BCL9L: variants seen among roughly 807,000 people sequenced by gnomAD.
BCL9L encodes BCL9 like.
A neutral mutation model predicts 99.4 loss-of-function variants in BCL9L; 19 were observed. The ratio of observed to expected loss-of-function variants is 0.19; its 90% CI spans 0.13 to 0.28. The LOEUF is 0.28. Among genes scored for constraint, BCL9L ranks in the 10% least tolerant of loss-of-function variants. BCL9L has a pLI of 1.00. For missense variants in BCL9L, 2,023 were observed against 2,101.6 expected, an observed-to-expected ratio of 0.96 and a Z score of 0.73; for synonymous variants, 900 against 854.8, an observed-to-expected ratio of 1.05 and a Z score of -0.92.
At chr11:118,919,178 A>C (rs1001938356) in intron 1 of BCL9L, among the ~76,000 whole-genome samples, 10 of 138,242 alleles carry the variant, frequency 7.2e-5, no homozygotes, top group Non-Finnish European at 1.1e-4. Flanking sequence ...GGAGAGGAGG[A>C]GGCACTGGAA....
chr11:118,919,366 A>G (rs1204952327), intron 1 of BCL9L, among the ~76,000 whole-genome samples: 2 of 151,584 alleles, frequency 1.3e-5, no homozygotes, highest in Admixed American at 1.3e-4. Flanking sequence ...TGTGTATTCT[A>G]TGTCCCTGTG....
chr11:118,901,138 T>G lies in BCL9L; in HGVS notation c.2605A>C (p.Met869Leu). The G allele has an allele frequency of 1.2e-6, 2 of 1,613,654 alleles. No homozygotes were observed. The highest frequency in any genetic ancestry group is 1.7e-6 in the Non-Finnish European group (2 of 1,179,728). ...MSQDMGNTQD[M>L]FSPDQSSMPM... ...ATTGAGCTCTGATCAGGGCTGAACATGTCTTGGGTATTGCCCATGTCCTGG... is the reference window on the plus strand; with the variant it reads ...ATTGAGCTCTGATCAGGGCTGAACAGGTCTTGGGTATTGCCCATGTCCTGG... The change falls in exon 8 of 10, where the codon ATG becomes CTG. Residue 869 changes from methionine (M) to leucine (L), a missense_variant. Around this residue, in one of 3 missense-constraint regions of BCL9L, gnomAD observed 902 missense variants for 888.2 expected, o/e 1.02. Coordinates refer to ENST00000683865, the MANE Select transcript of BCL9L (RefSeq NM_001378213.1). This position sits in a 1 kb window ranked among gnomAD's most constrained non-coding sequence, Gnocchi z 6.6.
In BCL9L at chr11:118,900,252, GT is replaced by G; in HGVS notation, c.3125-55del. 6.7e-7 allele frequency: 1 copy of G among 1,500,674 alleles called. No individual in the cohort carries two copies. Among genetic ancestry groups the G allele is most frequent in the African/African-American group, 1.4e-5 (1 of 72,244 alleles). 93.0% of individuals were successfully genotyped at this position (1,500,674 alleles called of 1,614,324 possible). On this transcript the variant is annotated intron_variant, in intron 8 of 9. Transcript: ENST00000683865. This position sits in a 1 kb window ranked among gnomAD's most constrained non-coding sequence, Gnocchi z 5.3. ...GGGGTGACTGGGGAGGGGCAGATGAGTTTGGCTGTGGATATGGGGAGGTTTA... is the reference window on the plus strand; with the variant it reads ...GGGGTGACTGGGGAGGGGCAGATGAGTTGGCTGTGGATATGGGGAGGTTTA...
chr11:118,924,253 G>A (rs1403355001), intron 1 of BCL9L, among the ~76,000 whole-genome samples: 1 of 151,946 alleles, frequency 6.6e-6, no homozygotes, highest in African/African-American at 2.4e-5. Flanking sequence ...CCCTTTGTGA[G>A]GGCTCAAACA....
At chr11:118,904,426 C>T (rs906342090) in intron 5 of BCL9L, among the ~76,000 whole-genome samples, 22 of 151,984 alleles carry the variant, frequency 1.4e-4, no homozygotes, top group East Asian at 1.9e-4. Flanking sequence ...GGCGACAGAG[C>T]GAGACTGTCT....
Position 118,899,191 on chromosome 11 carries a change from T to C in BCL9L, c.3724A>G (p.Thr1242Ala). The change falls in exon 10 of 10, where the codon ACT becomes GCT. Residue 1242 changes from threonine (T) to alanine (A), a missense_variant. This residue lies in a region of BCL9L where 902 missense variants were observed against 888.2 expected (regional missense o/e 1.02). Coordinates refer to ENST00000683865, the MANE Select transcript of BCL9L (RefSeq NM_001378213.1). ...LQQPHGAMAP[T>A]GGGGGGPGLQ... Reference sequence around the variant, plus strand: ...CCAGGCCCCCCGCCCCCACCCCCAGTGGGGGCCATGGCACCATGGGGCTGC... The same window carrying C: ...CCAGGCCCCCCGCCCCCACCCCCAGCGGGGGCCATGGCACCATGGGGCTGC... 3.4e-6 allele frequency: 5 copies of C among 1,491,892 alleles called. No individual in the cohort carries two copies. The highest frequency in any genetic ancestry group is 4.5e-6 in the Non-Finnish European group (5 of 1,119,860). The allele number at this position is 1,491,892 out of a possible 1,614,324, so 92.4% of individuals were successfully genotyped here.
At chr11:118,919,304 G>C (rs1194086369) in intron 1 of BCL9L, among the ~76,000 whole-genome samples, 1 of 151,640 alleles carries the variant, frequency 6.6e-6, no homozygotes, top group Non-Finnish European at 1.5e-5. Context: ...GAGGACCCCA[G>C]ATTCTAGCAC....
In BCL9L at chr11:118,914,424, C is replaced by CCAGAGG. The variant is rs1298369850; in HGVS notation, c.-77+4396_-77+4401dup. Among the ~76,000 whole-genome samples the CCAGAGG allele has an allele frequency of 6.6e-6, 1 of 152,198 alleles. No homozygotes were observed. Among genetic ancestry groups the CCAGAGG allele is most frequent in the African/African-American group, 2.4e-5 (1 of 41,452 alleles). On this transcript the variant is annotated intron_variant, in intron 2 of 9. Transcript: ENST00000683865. The surrounding 1 kb of genome is among the most constrained non-coding windows in gnomAD (Gnocchi z 4.4). ...TGCTCTGCTCTCTCCCCAGGTACAGCCAGAGGCAGAGGCATCCTCCTGGCC... is the reference window on the plus strand; with the variant it reads ...TGCTCTGCTCTCTCCCCAGGTACAGCCAGAGGCAGAGGCAGAGGCATCCTCCTGGCC...
Position 118,900,831 on chromosome 11 carries a change from C to T in BCL9L, c.2912G>A (p.Gly971Glu), listed in dbSNP as rs773972232. The change falls in exon 8 of 10, where the codon GGA becomes GAA. Residue 971 changes from glycine (G) to glutamate (E), a missense_variant. This residue lies in a region of BCL9L where 902 missense variants were observed against 888.2 expected (regional missense o/e 1.02). Transcript: ENST00000683865. This position sits in a 1 kb window ranked among gnomAD's most constrained non-coding sequence, Gnocchi z 5.3. Reference protein sequence around the residue: ...MVPLPSANPPGPLKSPQVLGS... With the variant: ...MVPLPSANPPEPLKSPQVLGS... ...GAGGACCTGGGGCGACTTGAGAGGT[C>T]CTGGCGGGTTGGCAGAAGGCAAGGG... 6.2e-7 allele frequency: 1 copy of T among 1,613,232 alleles called. No homozygotes were observed.
chr11:118,902,891 G>T lies in BCL9L; in HGVS notation c.852C>A (p.Pro284=), dbSNP rs138155257. Residue 284 remains proline (P), a synonymous_variant, in exon 8 of 10, where the codon CCC becomes CCA. Transcript: ENST00000683865. The surrounding 1 kb of genome is among the most constrained non-coding windows in gnomAD (Gnocchi z 7.8). ...AKLDQAPKVP[P]TPEPLPLSTP... ...TGCTCAGGGGTAGCGGTTCTGGGGT[G>T]GGGGGCACTTTAGGGGCCTGCAGAA... The T allele has an allele frequency of 2.2e-5, 34 of 1,567,320 alleles. No individual in the cohort carries two copies. The Middle Eastern group carries it at 5.1e-4, about 23-fold the overall frequency.
intron 2 of BCL9L, among the ~76,000 whole-genome samples, chr11:118,912,420 C>G (rs554395554): frequency 6.6e-6 from 1 of 152,266 alleles, no homozygotes; most frequent in East Asian, 1.9e-4. Context: ...CAGGCGCATA[C>G]CAGGAGAATG....
Position 118,902,785 on chromosome 11 carries a change from C to T in BCL9L, c.958G>A (p.Ala320Thr), listed in dbSNP as rs1940328254. ...TCAGGAGGCCCCTCTGGGGGCAGAG[C>T]AGGCGGGGCACTGCCAGGGGCCGGG... ...PPPAPGSAPP[A>T]LPPEGPPEDS... The change falls in exon 8 of 10, where the codon GCT becomes ACT. Residue 320 changes from alanine (A) to threonine (T), a missense_variant. Coordinates refer to ENST00000683865, the MANE Select transcript of BCL9L (RefSeq NM_001378213.1). This position sits in a 1 kb window ranked among gnomAD's most constrained non-coding sequence, Gnocchi z 7.8. 6.4e-7 allele frequency: 1 copy of T among 1,569,842 alleles called. No homozygotes were observed. The highest frequency in any genetic ancestry group is 1.3e-5 in the African/African-American group (1 of 74,086).
Position 118,902,544 on chromosome 11 carries a change from G to A in BCL9L, c.1199C>T (p.Ser400Phe). 6.2e-7 allele frequency: 1 copy of A among 1,602,954 alleles called. No homozygotes were observed. The highest frequency in any genetic ancestry group is 8.5e-7 in the Non-Finnish European group (1 of 1,179,878). ...TTCCCGATGCTCCAGCTGCTCTTTG[G>A]ACAAGCCCTCTGAGCCCACCAGGCT... ...QRSLVGSEGL[S>F]KEQLEHRERS... The change falls in exon 8 of 10, where the codon TCC becomes TTC. Residue 400 changes from serine (S) to phenylalanine (F), a missense_variant. Ser to Phe is a radical substitution (Grantham distance 155). Around this residue, in one of 3 missense-constraint regions of BCL9L, gnomAD observed 1,116 missense variants for 1,194.6 expected, o/e 0.93. Transcript: ENST00000683865. This position sits in a 1 kb window ranked among gnomAD's most constrained non-coding sequence, Gnocchi z 7.8.
chr11:118,900,902 C>T lies in BCL9L; in HGVS notation c.2841G>A (p.Ser947=), dbSNP rs201441174. ...GGGGTGACTTGAGGTTGGCAGAGGG[C>T]GAGGTGACCAGGGGTGAGTGCACCT... The part of the protein sequence containing the change: ...LSQVHSPLVT[S]PSANLKSPQT... The change falls in exon 8 of 10, where the codon TCG becomes TCA. Residue 947 remains serine, a synonymous_variant. Coordinates refer to ENST00000683865, the MANE Select transcript of BCL9L (RefSeq NM_001378213.1). This position sits in a 1 kb window ranked among gnomAD's most constrained non-coding sequence, Gnocchi z 5.3. 7.7e-5 allele frequency: 123 copies of T among 1,591,842 alleles called. No individual in the cohort carries two copies. In the East Asian group the frequency reaches 1.2e-3, roughly 15 times the overall value.
intron 2 of BCL9L, among the ~76,000 whole-genome samples, chr11:118,916,998 G>A (rs1026033864): frequency 6.6e-6 from 1 of 152,236 alleles, no homozygotes; most frequent in Non-Finnish European, 1.5e-5. Context: ...CAGCCTCAGG[G>A]AGGAGGGCTG....
intron 3 of BCL9L, among the ~76,000 whole-genome samples, chr11:118,909,640 A>G (rs1940695676): frequency 6.6e-6 from 1 of 152,114 alleles, no homozygotes; most frequent in African/African-American, 2.4e-5. Context: ...CATTTTAAGG[A>G]GGGAAGAACT....
At position 118,912,376 on chromosome 11, in the gene BCL9L, CAG is replaced by C. The variant is rs775270036; in HGVS notation, c.-76-2363_-76-2362del. 1.0e-3 allele frequency among the ~76,000 whole-genome samples: 155 copies of C among 152,322 alleles called. 1 individual carries two copies. The highest frequency in any genetic ancestry group is 1.6e-3 in the Non-Finnish European group (110 of 68,022). Reference sequence around the variant, plus strand: ...TGGGGAGGGGTAGCAAGCTCACAAACAGGGAGCAGGTGCGAGTCACCTGAGTG... The same window carrying C: ...TGGGGAGGGGTAGCAAGCTCACAAACGGAGCAGGTGCGAGTCACCTGAGTG... On this transcript the variant is annotated intron_variant, in intron 2 of 9. Transcript: ENST00000683865.
intron 5 of BCL9L, 47 bp downstream of exon 5, chr11:118,907,436 C>T (rs1459357590): frequency 1.2e-6 from 2 of 1,613,542 alleles, no homozygotes; most frequent in Admixed American, 1.7e-5. Flanking sequence ...AGTCCATCCC[C>T]CAGGAACATC....
At chr11:118,906,243 G>A (rs1940514398) in intron 5 of BCL9L, among the ~76,000 whole-genome samples, 1 of 152,190 alleles carries the variant, frequency 6.6e-6, no homozygotes, top group Non-Finnish European at 1.5e-5. Context: ...GGTGCAGTCT[G>A]ATGTGACATA....
Sources: allele counts gnomAD v4.1 joint callset (sites outside exome capture counted in the v4.1 genomes callset), GRCh38; gene constraint gnomAD v4.1.1; regional missense constraint gnomAD v4.1.1; non-coding constraint Gnocchi (gnomAD v3.1); transcripts MANE v1.5; gene names NCBI Gene and HGNC (gene_info 2026-07-23, HGNC 2026-07-21).